Variants in SUN3 observed in about 807,000 individuals in gnomAD.
SUN3 encodes the protein SUN domain-containing protein 3.
In SUN3, 36 loss-of-function variants were observed where a neutral mutation model predicts 48.2. That is an observed-to-expected ratio of 0.75 (90% CI 0.57 to 0.99). The LOEUF (loss-of-function observed/expected upper bound fraction) is 0.99, where lower values mean the gene tolerates loss of function less well. Among genes scored for constraint, SUN3 ranks in the 50% least tolerant of loss-of-function variants. The pLI is 0.00. For synonymous variants in SUN3, 148 were observed against 147.9 expected, an observed-to-expected ratio of 1.00 and a Z score of 0.00; for missense variants, 419 against 433.1, an observed-to-expected ratio of 0.97 and a Z score of 0.29.
intron 5 of SUN3, 36 bp downstream of exon 5, chr7:48,007,129 C>A: frequency 1.9e-6 from 3 of 1,580,414 alleles, no homozygotes; most frequent in Non-Finnish European, 2.6e-6. Context: ...TAACCACCAC[C>A]CCACCCTGCC....
chr7:48,006,107 G>C, intron 5 of SUN3, 54 bp from the exon 6 acceptor site: 1 of 1,263,916 alleles, frequency 7.9e-7, no homozygotes, highest in Non-Finnish European at 1.1e-6. Context: ...AACTGCTTGA[G>C]TTTTGACCAT....
intron 9 of SUN3, 148 bp from the exon 10 acceptor site, chr7:47,987,597 G>A: frequency 1.4e-6 from 1 of 730,848 alleles, no homozygotes. Flanking sequence ...GCAGTGGCAT[G>A]ATCATGGCTC....
upstream of SUN3, among the ~76,000 whole-genome samples, chr7:48,033,948 G>A (rs191859792): frequency 6.2e-4 from 94 of 152,274 alleles, no homozygotes; most frequent in Admixed American, 3.3e-3. Context: ...CAGCTACACC[G>A]GAGGCTGAGA....
At chr7:47,995,056 G>A (rs1271270013) in intron 7 of SUN3, among the ~76,000 whole-genome samples, 1 of 152,074 alleles carries the variant, frequency 6.6e-6, no homozygotes, top group Non-Finnish European at 1.5e-5. Flanking sequence ...TAGAGGTAAT[G>A]GTGATGGTAG....
upstream of SUN3, among the ~76,000 whole-genome samples, chr7:48,031,850 A>G (rs1790260084): frequency 6.6e-6 from 1 of 152,000 alleles, no homozygotes; most frequent in Admixed American, 6.6e-5. Flanking sequence ...ACACACACAC[A>G]CACACACACA....
In SUN3 at chr7:48,007,326, T is replaced by C. The variant is rs1436535407; in HGVS notation, c.331A>G (p.Lys111Glu). The C allele has an allele frequency of 6.2e-7, 1 of 1,613,066 alleles. No homozygotes were observed. Residue 111 changes from lysine (K) to glutamate (E), a missense_variant and splice_region_variant, in exon 5 of 10, where the codon AAG becomes GAG. Transcript: ENST00000297325. Reference sequence around the variant, plus strand: ...TTGTTTTCCAGATTCTGGCTTTCCTTCCTGTAAAGGGAAAATCTCAGCATG... The same window carrying C: ...TTGTTTTCCAGATTCTGGCTTTCCTCCCTGTAAAGGGAAAATCTCAGCATG... The part of the protein sequence containing the change: ...MPKEQLELLK[K>E]ESQNLENNFR...
intron 6 of SUN3, among the ~76,000 whole-genome samples, chr7:48,003,765 A>T (rs1223240259): frequency 6.6e-6 from 1 of 152,152 alleles, no homozygotes; most frequent in Non-Finnish European, 1.5e-5. Context: ...TTGCATCCTG[A>T]GACTTTGCTG....
At chr7:48,008,120 G>A (rs1331217348) in intron 4 of SUN3, among the ~76,000 whole-genome samples, 3 of 152,142 alleles carry the variant, frequency 2.0e-5, no homozygotes, top group Admixed American at 2.0e-4. Context: ...CACCACGCCC[G>A]GCCAAGAATG....
At chr7:48,004,241 T>C (rs1008289673) in intron 6 of SUN3, among the ~76,000 whole-genome samples, 3 of 152,234 alleles carry the variant, frequency 2.0e-5, no homozygotes, top group African/African-American at 7.2e-5. Flanking sequence ...CTTATTTCCG[T>C]AGGAGTTTGC....
At chr7:47,988,915 G>T in intron 8 of SUN3, 35 bp from the exon 9 acceptor site, 1 of 1,232,402 alleles carries the variant, frequency 8.1e-7, no homozygotes, top group Non-Finnish European at 1.2e-6. Context: ...AGATTGTAAT[G>T]AATGGATGCA....
At position 47,987,255 on chromosome 7, in the gene SUN3, G is replaced by T. The variant is rs769478040; in HGVS notation, c.*75C>A. On this transcript the variant is annotated 3_prime_UTR_variant, in exon 10 of 10. Coordinates refer to ENST00000297325, the MANE Select transcript of SUN3 (RefSeq NM_001030019.2). ...CCACTCCCAATTCTCAATTCCTATG[G>T]GTGCGGTATCATCTAAGAGAATAAG... 6.9e-7 allele frequency: 1 copy of T among 1,445,228 alleles called. No homozygotes were observed. Among genetic ancestry groups the T allele is most frequent in the South Asian group, 1.5e-5 (1 of 65,054 alleles). The allele number at this position is 1,445,228 out of a possible 1,614,324, so 89.5% of individuals were successfully genotyped here.
In SUN3 at chr7:48,028,935, T is replaced by C. The variant is rs770988285; in HGVS notation, c.4A>G (p.Ser2Gly). Residue 2 changes from serine (S) to glycine (G), a missense_variant, in exon 1 of 10, where the codon AGT becomes GGT. Ser to Gly is a moderately conservative substitution (Grantham distance 56, BLOSUM62 0). Transcript: ENST00000297325. MSGKTKARRAAM... is the reference protein window; with the variant it reads MGGKTKARRAAM... ...GCCCTTCTTGCCTTTGTTTTTCCACTCATGATCCCCTACCAAAGAACAAAC... is the reference window on the plus strand; with the variant it reads ...GCCCTTCTTGCCTTTGTTTTTCCACCCATGATCCCCTACCAAAGAACAAAC... The C allele has an allele frequency of 6.2e-7, 1 of 1,613,906 alleles. No homozygotes were observed. Among genetic ancestry groups the C allele is most frequent in the Non-Finnish European group, 8.5e-7 (1 of 1,179,818 alleles).
intron 3 of SUN3, among the ~76,000 whole-genome samples, chr7:48,011,174 A>G (rs989276098): frequency 1.3e-5 from 2 of 152,222 alleles, no homozygotes; most frequent in African/African-American, 4.8e-5. Flanking sequence ...CAGGAGGTAG[A>G]CATATCTTTT....
intron 6 of SUN3, among the ~76,000 whole-genome samples, chr7:48,005,296 G>C (rs533764668): frequency 6.6e-6 from 1 of 152,142 alleles, no homozygotes; most frequent in Non-Finnish European, 1.5e-5. Context: ...AAAAACACAT[G>C]CTCACAAGAC....
At chr7:48,007,012 C>T in intron 5 of SUN3, 153 bp downstream of exon 5, 1 of 664,986 alleles carries the variant, frequency 1.5e-6, no homozygotes, top group Non-Finnish European at 2.4e-6. Context: ...CACTGGGTTT[C>T]TGTACACAAA....
intron 6 of SUN3, among the ~76,000 whole-genome samples, chr7:47,996,833 C>A (rs1789226550): frequency 7.2e-6 from 1 of 137,940 alleles, no homozygotes; most frequent in Non-Finnish European, 1.5e-5. Context: ...GACGGTGTCT[C>A]ACTCTGTCGC....
At chr7:48,007,132 A>AGCCCAAC in intron 5 of SUN3, 33 bp downstream of exon 5, 1 of 1,373,840 alleles carries the variant, frequency 7.3e-7, no homozygotes, top group Non-Finnish European at 1.0e-6. Flanking sequence ...CCACCACCCC[A>AGCCCAAC]CCCTGCCCAA....
At chr7:48,001,483 A>G (rs1789365290) in intron 6 of SUN3, among the ~76,000 whole-genome samples, 1 of 144,486 alleles carries the variant, frequency 6.9e-6, no homozygotes, top group African/African-American at 2.6e-5. Flanking sequence ...TATCCAGTCT[A>G]TCATTGATCA....
At chr7:48,035,604 G>C in the SUN3 span, 3 of 692,600 alleles carry the variant, frequency 4.3e-6, no homozygotes, top group African/African-American at 5.4e-5. This position sits in a 1 kb window ranked among gnomAD's most constrained non-coding sequence, Gnocchi z 4.0. Context: ...GCCGCGGGCA[G>C]CACCCACGGA....
Sources: allele counts gnomAD v4.1 joint callset (sites outside exome capture counted in the v4.1 genomes callset), GRCh38; gene constraint gnomAD v4.1.1; non-coding constraint Gnocchi (gnomAD v3.1); transcripts MANE v1.5; gene names NCBI Gene and HGNC (gene_info 2026-07-23, HGNC 2026-07-21).